AXL: variants seen among roughly 807,000 people sequenced by gnomAD.
AXL encodes tyrosine-protein kinase receptor UFO.
Under a neutral mutation model 104.5 loss-of-function variants are expected in AXL, and 52 were observed. The ratio of observed to expected loss-of-function variants is 0.50; its 90% CI spans 0.40 to 0.63. The LOEUF (loss-of-function observed/expected upper bound fraction) is 0.63. AXL is among the 20% of genes least tolerant of loss of function. The pLI is 0.00. For missense variants in AXL, 1,024 were observed against 1,188.5 expected, an observed-to-expected ratio of 0.86 and a Z score of 2.04; for synonymous variants, 455 against 473.7, an observed-to-expected ratio of 0.96 and a Z score of 0.51.
chr19:41,227,184 C>G (rs1166997059), intron 4 of AXL, among the ~76,000 whole-genome samples: 4 of 152,084 alleles, frequency 2.6e-5, no homozygotes, highest in African/African-American at 7.2e-5. Context: ...GTCTATGTTT[C>G]TACGTGTATC....
At chr19:41,255,836 C>T (rs2034444282) in intron 17 of AXL, among the ~76,000 whole-genome samples, 1 of 152,188 alleles carries the variant, frequency 6.6e-6, no homozygotes, top group Non-Finnish European at 1.5e-5. Context: ...CCTCCGCCTA[C>T]TGGGTTCAAC....
At chr19:41,251,454 C>T (rs1001652546) in intron 14 of AXL, among the ~76,000 whole-genome samples, 6 of 151,686 alleles carry the variant, frequency 4.0e-5, no homozygotes, top group African/African-American at 7.3e-5. Flanking sequence ...CCCAGCTACT[C>T]GGGAGGCTGA....
At chr19:41,258,697 T>C (rs2034491363) in intron 19 of AXL, among the ~76,000 whole-genome samples, 2 of 152,248 alleles carry the variant, frequency 1.3e-5, no homozygotes, top group South Asian at 4.1e-4. Context: ...ATTATAGGCA[T>C]GAGCCTCCAC....
chr19:41,246,368 A>G (rs1178378605), intron 12 of AXL, among the ~76,000 whole-genome samples: 1 of 151,266 alleles, frequency 6.6e-6, no homozygotes, highest in Non-Finnish European at 1.5e-5. Context: ...AATCGCTTGA[A>G]CCCGGGAGGC....
chr19:41,231,099 C>T (rs1205770073), intron 5 of AXL, 52 bp downstream of exon 5: 2 of 1,611,772 alleles, frequency 1.2e-6, no homozygotes, highest in Admixed American at 1.7e-5. Context: ...GGGTTTGGGT[C>T]CGGGGTCAGA....
At chr19:41,224,596 C>CCCT (rs1325049069) in intron 4 of AXL, among the ~76,000 whole-genome samples, 2 of 152,166 alleles carry the variant, frequency 1.3e-5, no homozygotes, top group African/African-American at 4.8e-5. Flanking sequence ...GTTGCCCAGG[C>CCCT]TGCTCTTGAA....
chr19:41,246,753 C>G (rs2034278407), intron 12 of AXL, among the ~76,000 whole-genome samples: 1 of 152,060 alleles, frequency 6.6e-6, no homozygotes, highest in Non-Finnish European at 1.5e-5. Context: ...TGGGGTCTGG[C>G]TATGTTGCCC....
At position 41,261,423 on chromosome 19, in the gene AXL, G is replaced by A. The variant is rs1471201879; in HGVS notation, c.*1519G>A. On this transcript the variant is annotated 3_prime_UTR_variant, in exon 20 of 20. Coordinates refer to ENST00000301178, the MANE Select transcript of AXL (RefSeq NM_021913.5). ...CTAAAATCTTATAGTTCTAGGCACT[G>A]TAGTTCTAAGACTCAAATGTTCTAA... 6.6e-6 allele frequency: 1 copy of A among 152,562 alleles called. No individual in the cohort carries two copies. The highest frequency in any genetic ancestry group is 2.1e-4 in the South Asian group (1 of 4,836). The allele number at this position is 152,562 out of a possible 1,614,324, so 9.5% of individuals were successfully genotyped here.
At chr19:41,253,104 C>A in intron 16 of AXL, 137 bp downstream of exon 16, 2 of 900,552 alleles carry the variant, frequency 2.2e-6, no homozygotes, top group Non-Finnish European at 3.3e-6. Flanking sequence ...AGGGGAGGGG[C>A]GGATGATAAA....
chr19:41,253,721 C>T lies in AXL; in HGVS notation c.2036+13C>T, dbSNP rs772230428. ...CCAGGAACTGCATGTGAGTGCCTTTCAGGGACCCCCCCCCCCCAACTGCTC... is the reference window on the plus strand; with the variant it reads ...CCAGGAACTGCATGTGAGTGCCTTTTAGGGACCCCCCCCCCCCAACTGCTC... On this transcript the variant is annotated intron_variant, in intron 17 of 19. Coordinates refer to ENST00000301178, the MANE Select transcript of AXL (RefSeq NM_021913.5). 12 of 1,530,192 alleles carry T rather than the reference C, an allele frequency of 7.8e-6. No homozygotes were observed. Among genetic ancestry groups the T allele is most frequent in the South Asian group, 5.8e-5 (5 of 86,408 alleles). The allele number at this position is 1,530,192 out of a possible 1,614,324, so 94.8% of individuals were successfully genotyped here.
At chr19:41,223,714 A>AT (rs138755963) in intron 4 of AXL, among the ~76,000 whole-genome samples, 38 of 152,222 alleles carry the variant, frequency 2.5e-4, no homozygotes, top group South Asian at 6.2e-4. Flanking sequence ...ACTCAGGCCC[A>AT]TGGCTCGAGT....
chr19:41,237,667 A>G (rs980498313), intron 6 of AXL, among the ~76,000 whole-genome samples: 2 of 152,160 alleles, frequency 1.3e-5, no homozygotes, highest in Non-Finnish European at 2.9e-5. Flanking sequence ...TTGATCCTCT[A>G]AGGCCCCGTG....
intron 8 of AXL, 94 bp from the exon 9 acceptor site, chr19:41,239,070 G>A (rs1048688871): frequency 6.9e-6 from 10 of 1,447,356 alleles, no homozygotes; most frequent in Admixed American, 4.0e-5. Flanking sequence ...TGGGGAGAGC[G>A]TTTTGAGAAA....
chr19:41,224,567 A>G (rs1258915739), intron 4 of AXL, among the ~76,000 whole-genome samples: 3 of 152,078 alleles, frequency 2.0e-5, no homozygotes, highest in Non-Finnish European at 4.4e-5. Context: ...ATTTTTTGGT[A>G]GAGACAGAGT....
At chr19:41,254,581 T>A (rs2034424663) in intron 17 of AXL, among the ~76,000 whole-genome samples, 1 of 147,686 alleles carries the variant, frequency 6.8e-6, no homozygotes, top group Non-Finnish European at 1.5e-5. Flanking sequence ...GAATAGAGGG[T>A]AAGGGGAGGG....
chr19:41,236,793 A>C (rs917574825), intron 6 of AXL, among the ~76,000 whole-genome samples: 1 of 151,912 alleles, frequency 6.6e-6, no homozygotes, highest in Non-Finnish European at 1.5e-5. Context: ...AAGGAAAAAA[A>C]AAAAAAAAGA....
In AXL at chr19:41,243,786, T is replaced by A. The variant is rs552949350; in HGVS notation, c.1537+79T>A. 9 of 1,273,012 alleles carry A rather than the reference T, an allele frequency of 7.1e-6. No homozygotes were observed. In the Admixed American group the frequency reaches 1.4e-4, roughly 20 times the overall value. The allele number at this position is 1,273,012 out of a possible 1,614,324, so 78.9% of individuals were successfully genotyped here. ...ATCTGGCCTGCTGGGCTTCTGTACA[T>A]GTGTGAGCCAAAAGTTTCTAAAGGC... On this transcript the variant is annotated intron_variant, in intron 12 of 19. Coordinates refer to ENST00000301178, the MANE Select transcript of AXL (RefSeq NM_021913.5).
intron 1 of AXL, 52 bp from the exon 2 acceptor site, chr19:41,220,584 G>A (rs2033771444): frequency 6.7e-7 from 1 of 1,482,546 alleles, no homozygotes; most frequent in Non-Finnish European, 9.2e-7. Flanking sequence ...GGAACTGAGG[G>A]CCGGAAGGAG....
intron 9 of AXL, 68 bp from the exon 10 acceptor site, chr19:41,239,626 C>T (rs2034146222): frequency 3.1e-6 from 5 of 1,594,536 alleles, no homozygotes; most frequent in Admixed American, 1.7e-5. Context: ...CACCCTTACT[C>T]CCTTACCCGT....
Sources: allele counts gnomAD v4.1 joint callset (sites outside exome capture counted in the v4.1 genomes callset), GRCh38; gene constraint gnomAD v4.1.1; transcripts MANE v1.5; gene names NCBI Gene and HGNC (gene_info 2026-07-23, HGNC 2026-07-21).